Variants in COL27A1 observed in about 807,000 individuals in gnomAD.
COL27A1 encodes collagen alpha-1(XXVII) chain.
A neutral mutation model predicts 251.3 loss-of-function variants in COL27A1; 106 were observed. That is an observed-to-expected ratio of 0.42 (90% CI 0.36 to 0.50). The LOEUF is 0.50. COL27A1 is among the 20% of genes least tolerant of loss of function. The pLI is 0.00. For missense variants in COL27A1, 2,325 were observed against 2,522.8 expected, an observed-to-expected ratio of 0.92 and a Z score of 1.68; for synonymous variants, 1,000 against 986.3, an observed-to-expected ratio of 1.01 and a Z score of -0.26.
chr9:114,229,849 C>G (rs1831808134), intron 14 of COL27A1, among the ~76,000 whole-genome samples: 1 of 152,142 alleles, frequency 6.6e-6, no homozygotes, highest in Admixed American at 6.5e-5. Flanking sequence ...TACCAGGGTT[C>G]CTGGACCTTG....
intron 14 of COL27A1, among the ~76,000 whole-genome samples, chr9:114,226,039 T>A (rs888160691): frequency 6.6e-5 from 10 of 152,148 alleles, no homozygotes; most frequent in Non-Finnish European, 1.0e-4. Context: ...CACACAGCCC[T>A]CTTTGAGTAA....
At chr9:114,301,180 C>T in intron 52 of COL27A1, 55 bp downstream of exon 52, 9 of 1,611,602 alleles carry the variant, frequency 5.6e-6, no homozygotes, top group Non-Finnish European at 6.8e-6. Context: ...TTCCTGGCTC[C>T]AGATTGTCTC....
chr9:114,166,407 C>A (rs1353110880), intron 2 of COL27A1, among the ~76,000 whole-genome samples: 1 of 143,818 alleles, frequency 7.0e-6, no homozygotes, highest in Non-Finnish European at 1.5e-5. Context: ...ACCCACCCAC[C>A]TATCCATTTA....
At position 114,169,293 on chromosome 9, in the gene COL27A1, C is replaced by T; in HGVS notation, c.1738C>T (p.Pro580Ser). Residue 580 changes from proline to serine, a missense_variant, in exon 3 of 61, where the codon CCC becomes TCC. Pro to Ser is a moderately conservative substitution (Grantham distance 74). This residue lies in a region of COL27A1 where 1,183 missense variants were observed against 1,144.1 expected (regional missense o/e 1.03). Transcript: ENST00000356083. Reference protein sequence around the residue: ...DLTTRPSPRQPQPSQQTTPAL... With the variant: ...DLTTRPSPRQSQPSQQTTPAL... ...GACAACCAGGCCTAGCCCCAGACAG[C>T]CCCAGCCCAGTCAGCAGACCACCCC... 1 of 1,612,438 alleles carries T rather than the reference C, an allele frequency of 6.2e-7. No individual in the cohort carries two copies.
chr9:114,182,973 C>A, intron 4 of COL27A1, 49 bp from the exon 5 acceptor site: 1 of 1,527,956 alleles, frequency 6.5e-7, no homozygotes, highest in Non-Finnish European at 9.1e-7. Flanking sequence ...GGCGAGATGG[C>A]CCCTGTTTTT....
At position 114,193,489 on chromosome 9, in the gene COL27A1, G is replaced by A. The variant is rs560862124; in HGVS notation, c.2017-915G>A. ...TACTGCCTGTTCTAACTCAGCAGGA[G>A]CCAGGGCATCCTGGAACGCAGGTCT... On this transcript the variant is annotated intron_variant, in intron 5 of 60. Transcript: ENST00000356083. Among the ~76,000 whole-genome samples, 28 of 152,272 alleles carry A rather than the reference G, an allele frequency of 1.8e-4. 1 individual carries two copies. The South Asian group carries it at 5.8e-3, about 32-fold the overall frequency.
intron 37 of COL27A1, among the ~76,000 whole-genome samples, chr9:114,277,676 C>T (rs1048908876): frequency 7.9e-5 from 12 of 152,124 alleles, no homozygotes; most frequent in Admixed American, 4.6e-4. Flanking sequence ...GACTCAGTGG[C>T]GGGCTTGACT....
intron 29 of COL27A1, among the ~76,000 whole-genome samples, 168 bp from the exon 30 acceptor site, chr9:114,264,756 G>A (rs891327417): frequency 6.6e-6 from 1 of 152,140 alleles, no homozygotes; most frequent in Admixed American, 6.5e-5. Flanking sequence ...TGACGGTGGC[G>A]AGCCACTCCC....
At chr9:114,181,724 A>G (rs1827936933) in intron 4 of COL27A1, among the ~76,000 whole-genome samples, 1 of 152,242 alleles carries the variant, frequency 6.6e-6, no homozygotes, top group Middle Eastern at 3.2e-3. Flanking sequence ...TGGACATAAC[A>G]GGACCCAGCT....
rs1438510194 is a variant in COL27A1, at chr9:114,292,250, C to T, written c.4584+40C>T. The T allele has an allele frequency of 2.2e-6, 3 of 1,390,386 alleles. No homozygotes were observed. In the East Asian group the frequency reaches 7.5e-5, roughly 35 times the overall value. The allele number at this position is 1,390,386 out of a possible 1,614,324, so 86.1% of individuals were successfully genotyped here. A position where few individuals can be genotyped will look rare whatever the true frequency, so the allele number is the denominator to read the frequency against. ...AAGAATACACATGCCCACGCACTCA[C>T]ACATGCACACACTCACATACACCTA... On this transcript the variant is annotated intron_variant, in intron 49 of 60. Coordinates refer to ENST00000356083, the MANE Select transcript of COL27A1 (RefSeq NM_032888.4).
chr9:114,179,500 G>A (rs1415380417), intron 4 of COL27A1, among the ~76,000 whole-genome samples: 1 of 152,158 alleles, frequency 6.6e-6, no homozygotes, highest in Non-Finnish European at 1.5e-5. Flanking sequence ...TTGTAAACTT[G>A]TCCTCCATTC....
chr9:114,239,668 G>A (rs1015699825), intron 19 of COL27A1, among the ~76,000 whole-genome samples: 1 of 152,218 alleles, frequency 6.6e-6, no homozygotes, highest in Non-Finnish European at 1.5e-5. Context: ...GGCCCTCACT[G>A]GGAAGCAGGG....
chr9:114,169,054 G>A lies in COL27A1; in HGVS notation c.1499G>A (p.Ser500Asn). ...GCCCCTACTCCTGGTTCTACCAGGA[G>A]TACTCGGCCACCAGCCACGATGGTA... ...SPAPTPGSTRSTRPPATMVPP... is the reference protein window; with the variant it reads ...SPAPTPGSTRNTRPPATMVPP... Residue 500 changes from serine to asparagine, a missense_variant, in exon 3 of 61, where the codon AGT (serine) becomes AAT (asparagine). Around this residue, in one of 4 missense-constraint regions of COL27A1, gnomAD observed 1,183 missense variants for 1,144.1 expected, o/e 1.03. Transcript: ENST00000356083. The A allele has an allele frequency of 6.2e-7, 1 of 1,614,004 alleles. No homozygotes were observed. The highest frequency in any genetic ancestry group is 8.5e-7 in the Non-Finnish European group (1 of 1,179,944).
At position 114,235,079 on chromosome 9, in the gene COL27A1, C is replaced by CAAAA. The variant is rs34337576; in HGVS notation, c.2566-503_2566-500dup. On this transcript the variant is annotated intron_variant, in intron 16 of 60. Coordinates refer to ENST00000356083, the MANE Select transcript of COL27A1 (RefSeq NM_032888.4). ...GAGCAACTAGAGTGAGACTCCATCT[C>CAAAA]AAAAAAAAAAAAAAAAAAAATAGAC... 1.3e-3 allele frequency among the ~76,000 whole-genome samples: 112 copies of CAAAA among 87,638 alleles called. 2 individuals are homozygous for CAAAA. The highest frequency in any genetic ancestry group is 1.7e-3 in the Non-Finnish European group (80 of 48,288). The allele number at this position is 87,638 out of a possible 152,430, so 57.5% of individuals were successfully genotyped here.
chr9:114,272,096 T>C (rs1268152532), intron 36 of COL27A1: 2 of 152,262 alleles, frequency 1.3e-5, no homozygotes, highest in Non-Finnish European at 2.9e-5. Context: ...ATGAAGGTCA[T>C]GGCTAAAATG....
chr9:114,302,224 C>T (rs896391109), intron 56 of COL27A1, 116 bp downstream of exon 56: 24 of 814,310 alleles, frequency 2.9e-5, no homozygotes, highest in Admixed American at 6.3e-5. Context: ...GGTCTAGGGA[C>T]GCCCATGTCC....
chr9:114,252,350 G>A (rs1184547739), intron 25 of COL27A1, among the ~76,000 whole-genome samples: 1 of 152,200 alleles, frequency 6.6e-6, no homozygotes, highest in Non-Finnish European at 1.5e-5. Flanking sequence ...GAAATTCACT[G>A]CGTGGCCCAC....
At chr9:114,285,766 G>A (rs1446542079) in intron 41 of COL27A1, among the ~76,000 whole-genome samples, 1 of 152,220 alleles carries the variant, frequency 6.6e-6, no homozygotes, top group Non-Finnish European at 1.5e-5. Flanking sequence ...AGCCTGCCAG[G>A]GCTGGCACAG....
At chr9:114,266,380 T>G (rs1008662674) in intron 32 of COL27A1, among the ~76,000 whole-genome samples, 185 bp from the exon 33 acceptor site, 4 of 151,224 alleles carry the variant, frequency 2.6e-5, no homozygotes. Flanking sequence ...TTGGAGGGAG[T>G]ATGACAGATA....
Sources: allele counts gnomAD v4.1 joint callset (sites outside exome capture counted in the v4.1 genomes callset), GRCh38; gene constraint gnomAD v4.1.1; regional missense constraint gnomAD v4.1.1; transcripts MANE v1.5; gene names NCBI Gene and HGNC (gene_info 2026-07-23, HGNC 2026-07-21).